The following SPATA22 variants were observed in gnomAD, a reference collection of about 807,000 sequenced individuals.
SPATA22 encodes spermatogenesis associated 22.
A neutral mutation model predicts 47.8 loss-of-function variants in SPATA22; 29 were observed. The ratio of observed to expected loss-of-function variants is 0.61; its 90% CI spans 0.45 to 0.83. The LOEUF is 0.83. Ranked by LOEUF, SPATA22 falls within the 40% of genes least tolerant of loss-of-function variation. The pLI, the probability that SPATA22 is intolerant of heterozygous loss-of-function variation, is 0.00. For missense variants in SPATA22, 410 were observed against 421.7 expected (o/e 0.97, Z 0.24); for synonymous variants, 133 against 140.9 (o/e 0.94, Z 0.40).
At chr17:3,496,639 G>A (rs553803645) in intron 1 of SPATA22, among the ~76,000 whole-genome samples, 2 of 152,278 alleles carry the variant, frequency 1.3e-5, no homozygotes, top group Admixed American at 6.5e-5. Context: ...TCCTAAGAAT[G>A]ACAGTTCTTA....
intron 5 of SPATA22, among the ~76,000 whole-genome samples, chr17:3,451,120 A>G (rs542482101): frequency 6.6e-6 from 1 of 152,346 alleles, no homozygotes; most frequent in South Asian, 2.1e-4. Flanking sequence ...GGAAAAAGAT[A>G]TTCCATGCAA....
At chr17:3,495,781 A>C (rs1024444153) in intron 1 of SPATA22, among the ~76,000 whole-genome samples, 1 of 152,090 alleles carries the variant, frequency 6.6e-6, no homozygotes, top group African/African-American at 2.4e-5. Context: ...GTTGGCCAGG[A>C]TGGTCTCAAT....
chr17:3,446,770 A>G (rs1248041364), intron 6 of SPATA22, among the ~76,000 whole-genome samples, 169 bp from the exon 7 acceptor site: 2 of 152,154 alleles, frequency 1.3e-5, no homozygotes, highest in Non-Finnish European at 2.9e-5. Flanking sequence ...TCAATACTAT[A>G]TTACAGATGG....
intron 1 of SPATA22, among the ~76,000 whole-genome samples, chr17:3,487,819 A>G (rs1386548917): frequency 6.6e-6 from 1 of 152,236 alleles, no homozygotes; most frequent in Non-Finnish European, 1.5e-5. Context: ...TCTATTAGAA[A>G]CAGGAGGAAA....
rs759018576 is a variant in SPATA22 at position 3,499,007 on chromosome 17, A to G, written c.-74+14405T>C. ...ACCCCGTGTTTGTGAATGAGGCCGC[A>G]TATTACGAAAAGAAAGAAGCTTTTG... On this transcript the variant is annotated intron_variant, in intron 1 of 8. Coordinates refer to the SPATA22 transcript ENST00000541913. The G allele has an allele frequency of 3.1e-6, 5 of 1,614,252 alleles. No homozygotes were observed. Among genetic ancestry groups the G allele is most frequent in the Non-Finnish European group, 4.2e-6 (5 of 1,180,038 alleles).
At chr17:3,472,364 G>C (rs555309831), upstream of SPATA22, 1 of 152,532 alleles carries the variant, frequency 6.6e-6, no homozygotes, top group Admixed American at 6.5e-5. Flanking sequence ...GAGCCGCAGA[G>C]ACGCTCTGCA....
chr17:3,464,858 G>C (rs1395796269), intron 3 of SPATA22, among the ~76,000 whole-genome samples: 1 of 121,790 alleles, frequency 8.2e-6, no homozygotes, highest in East Asian at 2.3e-4. Flanking sequence ...GAGCGTCTCC[G>C]CCCGGCAGCC....
chr17:3,468,854 C>T lies in SPATA22; in HGVS notation c.43+429G>A, dbSNP rs559323615. The T allele has an allele frequency of 4.3e-6, 4 of 921,224 alleles. No individual in the cohort carries two copies. In the East Asian group the frequency reaches 4.6e-4, roughly 107 times the overall value. The allele number at this position is 921,224 out of a possible 1,614,324, so 57.1% of individuals were successfully genotyped here. Reference sequence around the variant, plus strand: ...AGTTACTATTATCTTCATTATGCATCATCATTCCCCTGGTTCTCATCATCC... The same window carrying T: ...AGTTACTATTATCTTCATTATGCATTATCATTCCCCTGGTTCTCATCATCC... On this transcript the variant is annotated intron_variant, in intron 2 of 8. Coordinates refer to ENST00000572969, the MANE Select transcript of SPATA22 (RefSeq NM_001170698.2).
chr17:3,505,593 G>A (rs1392975870), intron 1 of SPATA22, among the ~76,000 whole-genome samples: 1 of 152,140 alleles, frequency 6.6e-6, no homozygotes, highest in Non-Finnish European at 1.5e-5. Flanking sequence ...TGAAGCCTGA[G>A]AGTCCCATGG....
chr17:3,498,164 C>T (rs937022220), intron 1 of SPATA22, among the ~76,000 whole-genome samples: 1 of 152,106 alleles, frequency 6.6e-6, no homozygotes, highest in African/African-American at 2.4e-5. Context: ...TATTTCCCAA[C>T]GGTAGAATGT....
At chr17:3,451,651 A>T (rs1485891343) in intron 5 of SPATA22, among the ~76,000 whole-genome samples, 1 of 152,212 alleles carries the variant, frequency 6.6e-6, no homozygotes, top group Non-Finnish European at 1.5e-5. Context: ...AATAACAGCT[A>T]GAAAATGGAA....
At chr17:3,446,751 A>G (rs892543673) in intron 6 of SPATA22, 150 bp from the exon 7 acceptor site, 20 of 635,066 alleles carry the variant, frequency 3.1e-5, no homozygotes, top group Non-Finnish European at 5.0e-5. Context: ...CTTCCCTAAA[A>G]TAAGGCCATC....
rs773286537 is a variant in SPATA22, at chr17:3,467,459, A to G, written c.139T>C (p.Ser47Pro). 3.7e-6 allele frequency: 6 copies of G among 1,606,758 alleles called. No homozygotes were observed. Among genetic ancestry groups the G allele is most frequent in the Non-Finnish European group, 5.1e-6 (6 of 1,176,820 alleles). Reference sequence around the variant, plus strand: ...AGAGGAGGAAAATCATAATTGTCAGAAGGGGTACTGATACCTGAATCATCT... The same window carrying G: ...AGAGGAGGAAAATCATAATTGTCAGGAGGGGTACTGATACCTGAATCATCT... ...LKDDSGISTP[S>P]DNYDFPPLPT... is the part of the protein sequence containing the mutation. The change falls in exon 3 of 9, where the codon TCT becomes CCT. Residue 47 changes from serine (S) to proline (P), a missense_variant. Transcript: ENST00000572969.
At chr17:3,470,093 C>CAAAAAAAAAAAAA (rs57432043) in intron 1 of SPATA22, among the ~76,000 whole-genome samples, 3 of 54,294 alleles carry the variant, frequency 5.5e-5, no homozygotes, top group African/African-American at 1.4e-4. Flanking sequence ...GACTCCATCT[C>CAAAAAAAAAAAAA]AAAAAAAAAA....
upstream of SPATA22, among the ~76,000 whole-genome samples, chr17:3,474,720 A>C (rs1263232419): frequency 6.6e-6 from 1 of 152,158 alleles, no homozygotes; most frequent in Non-Finnish European, 1.5e-5. Flanking sequence ...TTCATATTTT[A>C]TTTTTCCACC....
At position 3,481,742 on chromosome 17, in the gene SPATA22, C is replaced by G. The variant is rs761453285; in HGVS notation, c.-73-12344G>C. The G allele has an allele frequency of 5.0e-6, 8 of 1,613,324 alleles. No homozygotes were observed. The Admixed American group carries it at 8.3e-5, about 17-fold the overall frequency. On this transcript the variant is annotated intron_variant, in intron 1 of 8. Coordinates refer to the SPATA22 transcript ENST00000541913. ...CACCACCTCTAACATGGGGTGCACT[C>G]TTATTCTTGAGGATTCCAGGAATAA...
intron 1 of SPATA22, chr17:3,513,135 T>C (rs777662800): frequency 3.9e-5 from 6 of 152,614 alleles, no homozygotes; most frequent in Non-Finnish European, 8.8e-5. Context: ...AAATATATAA[T>C]ACTTACATCC....
chr17:3,481,716 A>C lies in SPATA22; in HGVS notation c.-73-12318T>G. 2 of 1,613,860 alleles carry C rather than the reference A, an allele frequency of 1.2e-6. No individual in the cohort carries two copies. The highest frequency in any genetic ancestry group is 1.7e-6 in the Non-Finnish European group (2 of 1,179,892). On this transcript the variant is annotated intron_variant, in intron 1 of 8. Transcript: ENST00000541913. ...TATGACATTATTTTTGACCTTCACA[A>C]CACCACCTCTAACATGGGGTGCACT...
upstream of SPATA22, among the ~76,000 whole-genome samples, chr17:3,474,549 T>C (rs2073493807): frequency 6.6e-6 from 1 of 152,218 alleles, no homozygotes; most frequent in Non-Finnish European, 1.5e-5. Flanking sequence ...TCAGTGTACA[T>C]GGATGTGGAC....
Sources: allele counts gnomAD v4.1 joint callset (sites outside exome capture counted in the v4.1 genomes callset), GRCh38; gene constraint gnomAD v4.1.1; transcripts MANE v1.5; gene names NCBI Gene and HGNC (gene_info 2026-07-23, HGNC 2026-07-21).